CPAP: variants seen among roughly 807,000 people sequenced by gnomAD.
The protein encoded by CPAP is centrosomal P4.1-associated protein.
At chr13:24,893,055 A>T in the CPAP span, among the ~76,000 whole-genome samples, 43 of 152,168 alleles carry the variant, frequency 2.8e-4, no homozygotes, top group Admixed American at 1.3e-4. Flanking sequence ...GTCTCACCGC[A>T]GACCATCAGC....
the CPAP span, chr13:24,908,207 G>T: frequency 1.0e-6 from 1 of 956,396 alleles, no homozygotes; most frequent in Non-Finnish European, 1.7e-6. Context: ...AAGTTACTAT[G>T]CTAAAACATT....
the CPAP span, chr13:24,909,665 C>A: frequency 7.3e-5 from 67 of 914,042 alleles, no homozygotes; most frequent in African/African-American, 1.0e-3. Flanking sequence ...TGAGTCCAGC[C>A]TGAGCAACAC....
the CPAP span, among the ~76,000 whole-genome samples, chr13:24,918,927 G>T: frequency 6.6e-6 from 1 of 151,952 alleles, no homozygotes; most frequent in Admixed American, 6.6e-5. Flanking sequence ...TTAGTCACCT[G>T]TGTCAGAACT....
At chr13:24,898,706 G>A in the CPAP span, among the ~76,000 whole-genome samples, 1 of 152,200 alleles carries the variant, frequency 6.6e-6, no homozygotes, top group South Asian at 2.1e-4. Flanking sequence ...GATTGCTCAA[G>A]GATGGCTGCA....
chr13:24,898,361 A>T, the CPAP span, among the ~76,000 whole-genome samples: 3 of 152,300 alleles, frequency 2.0e-5, no homozygotes, highest in African/African-American at 7.2e-5. Context: ...CACTGGTAAA[A>T]TATGGGAATT....
chr13:24,933,215 A>G, the CPAP span: 17 of 1,098,186 alleles, frequency 1.5e-5, no homozygotes, highest in Non-Finnish European at 2.3e-5. Context: ...TAGAAGAGGA[A>G]ACAGAGATTA....
At chr13:24,906,537 C>T in the CPAP span, 6 of 1,614,034 alleles carry the variant, frequency 3.7e-6, no homozygotes, top group Non-Finnish European at 4.2e-6. Context: ...GTTACATTTT[C>T]TTTATTATTA....
the CPAP span, among the ~76,000 whole-genome samples, chr13:24,904,862 C>A: frequency 6.6e-6 from 1 of 152,088 alleles, no homozygotes; most frequent in East Asian, 1.9e-4. Flanking sequence ...TTTAAAAAGT[C>A]CGTTACATCA....
At chr13:24,914,159 A>C in the CPAP span, among the ~76,000 whole-genome samples, 1 of 152,226 alleles carries the variant, frequency 6.6e-6, no homozygotes, top group East Asian at 1.9e-4. Flanking sequence ...GGTGGACAGC[A>C]TCCTCATTTA....
chr13:24,917,507 A>G, the CPAP span, among the ~76,000 whole-genome samples: 3 of 152,198 alleles, frequency 2.0e-5, no homozygotes, highest in Non-Finnish European at 2.9e-5. Flanking sequence ...ACTGAAGCCC[A>G]TGTCAGTGTG....
At chr13:24,886,317 T>C in the CPAP span, 8 of 1,289,186 alleles carry the variant, frequency 6.2e-6, no homozygotes, top group Non-Finnish European at 8.1e-6. Context: ...GAGAATGGCC[T>C]GAAGGAGGAG....
chr13:24,928,843 G>A, the CPAP span, among the ~76,000 whole-genome samples: 1 of 152,096 alleles, frequency 6.6e-6, no homozygotes, highest in Non-Finnish European at 1.5e-5. Context: ...AAAGATCCTG[G>A]AAACCTAATG....
At chr13:24,904,727 A>G in the CPAP span, among the ~76,000 whole-genome samples, 1 of 152,344 alleles carries the variant, frequency 6.6e-6, no homozygotes, top group South Asian at 2.1e-4. Context: ...GTACAAAAAA[A>G]TTACTTTTAA....
the CPAP span, among the ~76,000 whole-genome samples, chr13:24,933,324 G>T: frequency 6.6e-6 from 1 of 152,202 alleles, no homozygotes; most frequent in Non-Finnish European, 1.5e-5. Context: ...GACCAGCCCT[G>T]TTCTCTCCCT....
At chr13:24,912,577 T>C in the CPAP span, 1 of 1,610,828 alleles carries the variant, frequency 6.2e-7, no homozygotes, top group Non-Finnish European at 8.5e-7. Context: ...CAAATCCTAT[T>C]GTACCTGTTC....
At chr13:24,900,101 G>A in the CPAP span, among the ~76,000 whole-genome samples, 1 of 152,174 alleles carries the variant, frequency 6.6e-6, no homozygotes, top group Non-Finnish European at 1.5e-5. Flanking sequence ...ATATCAGAGT[G>A]GGAGGGTGAA....
the CPAP span, among the ~76,000 whole-genome samples, chr13:24,889,002 A>G: frequency 6.6e-6 from 1 of 152,160 alleles, no homozygotes; most frequent in Admixed American, 6.5e-5. Context: ...TCCACATTCA[A>G]AATGCTCCAA....
chr13:24,885,456 T>C, the CPAP span: 1 of 1,220,872 alleles, frequency 8.2e-7, no homozygotes, highest in Admixed American at 1.7e-5. Context: ...TGATATAGGG[T>C]TCTAGGACTA....
At chr13:24,890,753 C>G in the CPAP span, among the ~76,000 whole-genome samples, 1 of 152,134 alleles carries the variant, frequency 6.6e-6, no homozygotes, top group Non-Finnish European at 1.5e-5. Context: ...TGCCTCTGCC[C>G]TCACAGGAGC....
Sources: gnomAD v4.1 joint callset for allele counts (sites outside exome capture counted in the v4.1 genomes callset) on GRCh38, gnomAD v4.1.1 for gene constraint, MANE v1.5 for transcripts, NCBI Gene and HGNC (gene_info 2026-07-23, HGNC 2026-07-21) for gene names.